The following DYRK1A variants were observed in gnomAD, a reference collection of about 807,000 sequenced individuals.
DYRK1A encodes the protein dual specificity tyrosine phosphorylation regulated kinase 1A.
DYRK1A carries 9 observed loss-of-function variants against 79.7 expected under a neutral mutation model. That is an observed-to-expected ratio of 0.11 (90% CI 0.07 to 0.20). The LOEUF (loss-of-function observed/expected upper bound fraction) is 0.20, where lower values mean the gene tolerates loss of function less well. Among genes scored for constraint, DYRK1A ranks in the 10% least tolerant of loss-of-function variants. DYRK1A has a pLI of 1.00. For missense variants in DYRK1A, 622 were observed against 956.0 expected, an observed-to-expected ratio of 0.65 and a Z score of 4.61; for synonymous variants, 349 against 329.7, an observed-to-expected ratio of 1.06 and a Z score of -0.63.
At chr21:37,423,774 A>G (rs2050541361) in intron 2 of DYRK1A, among the ~76,000 whole-genome samples, 2 of 152,200 alleles carry the variant, frequency 1.3e-5, no homozygotes, top group Non-Finnish European at 1.5e-5. Context: ...ATACAGAGCT[A>G]TCACTTTTTG....
At chr21:37,441,899 T>G (rs976282058) in intron 2 of DYRK1A, among the ~76,000 whole-genome samples, 24 of 152,004 alleles carry the variant, frequency 1.6e-4, no homozygotes, top group African/African-American at 5.5e-4. Context: ...TTTTTTGTAG[T>G]GCGTATTTAC....
At chr21:37,502,204 T>C (rs932205484) in intron 9 of DYRK1A, 1 of 152,224 alleles carries the variant, frequency 6.6e-6, no homozygotes, top group African/African-American at 2.4e-5. Flanking sequence ...ATTTTTGTGT[T>C]GTGTGCAACA....
At chr21:37,413,641 G>T (rs1005791765) in intron 1 of DYRK1A, among the ~76,000 whole-genome samples, 2 of 152,142 alleles carry the variant, frequency 1.3e-5, no homozygotes, top group Non-Finnish European at 2.9e-5. Context: ...AGATGTTCAG[G>T]TTAGTGAGGG....
chr21:37,430,252 C>T, intron 2 of DYRK1A: 1 of 946,934 alleles, frequency 1.1e-6, no homozygotes, highest in Non-Finnish European at 1.3e-6. Context: ...TAATTGAATC[C>T]TTTATTTTTG....
intron 1 of DYRK1A, among the ~76,000 whole-genome samples, chr21:37,379,253 C>T (rs1417604738): frequency 6.6e-6 from 1 of 151,956 alleles, no homozygotes; most frequent in Non-Finnish European, 1.5e-5. Context: ...AAGGCAGGAC[C>T]ATTCTAGATG....
intron 9 of DYRK1A, among the ~76,000 whole-genome samples, chr21:37,496,567 T>C (rs1296247665): frequency 6.6e-6 from 1 of 152,248 alleles, no homozygotes; most frequent in Admixed American, 6.5e-5. Flanking sequence ...ATTTGATCTT[T>C]GTTTCTCACA....
chr21:37,439,789 GT>G (rs1207319353), intron 2 of DYRK1A, among the ~76,000 whole-genome samples: 1 of 152,150 alleles, frequency 6.6e-6, no homozygotes, highest in Non-Finnish European at 1.5e-5. Context: ...GTTAATGAAA[GT>G]TTGTTTTAGG....
chr21:37,486,277 G>A lies in DYRK1A; in HGVS notation c.490-190G>A, dbSNP rs2052862344. The A allele has an allele frequency of 1.6e-5, 6 of 377,154 alleles. No homozygotes were observed. The South Asian group carries it at 8.5e-4, about 53-fold the overall frequency. 23.4% of individuals were successfully genotyped at this position (377,154 alleles called of 1,614,324 possible). On this transcript the variant is annotated intron_variant, in intron 5 of 11. Transcript: ENST00000647188. ...ATTCAATTTAAAAGATTGATTTAAA[G>A]TTACTGTGTAATAAGTGGATATATA...
At chr21:37,399,043 C>T (rs2050008915) in intron 1 of DYRK1A, among the ~76,000 whole-genome samples, 1 of 151,988 alleles carries the variant, frequency 6.6e-6, no homozygotes. Context: ...AAGGATGTGT[C>T]CCATTCCCTG....
rs1601349897 is a variant in DYRK1A at position 37,521,540 on chromosome 21, A to T, written c.*9009A>T. The stretch of plus-strand genomic sequence containing the variant: ...AAAAAGCATGTCACATTTTGTTGTT[A>T]TAAGTGGGAAAGATAAGTAATTACA... On this transcript the variant is annotated 3_prime_UTR_variant, in exon 12 of 12. Coordinates refer to ENST00000647188, the MANE Select transcript of DYRK1A (RefSeq NM_001347721.2). 6.6e-6 allele frequency: 1 copy of T among 152,276 alleles called. No individual in the cohort carries two copies. The highest frequency in any genetic ancestry group is 2.1e-4 in the South Asian group (1 of 4,834). The allele number at this position is 152,276 out of a possible 1,614,324, so 9.4% of individuals were successfully genotyped here.
At chr21:37,396,888 A>G (rs2049967953) in intron 1 of DYRK1A, among the ~76,000 whole-genome samples, 1 of 152,146 alleles carries the variant, frequency 6.6e-6, no homozygotes, top group South Asian at 2.1e-4. Flanking sequence ...TGATGGCTCT[A>G]AGAGCATGGA....
chr21:37,400,463 A>G (rs960084040), intron 1 of DYRK1A, among the ~76,000 whole-genome samples: 1 of 152,344 alleles, frequency 6.6e-6, no homozygotes, highest in African/African-American at 2.4e-5. Flanking sequence ...AGCAACTTGT[A>G]GATATATCAT....
At chr21:37,493,284 G>A in intron 8 of DYRK1A, 121 bp downstream of exon 8, 1 of 982,724 alleles carries the variant, frequency 1.0e-6, no homozygotes, top group Non-Finnish European at 1.5e-6. Context: ...TCAAATGTGA[G>A]GTCAGTTTGA....
intron 1 of DYRK1A, among the ~76,000 whole-genome samples, chr21:37,397,183 C>T (rs2049972889): frequency 6.6e-6 from 1 of 152,192 alleles, no homozygotes; most frequent in Non-Finnish European, 1.5e-5. Flanking sequence ...GGAGGTATAA[C>T]CTAGTTGGGC....
At chr21:37,422,162 G>T (rs1479399002) in intron 2 of DYRK1A, among the ~76,000 whole-genome samples, 1 of 152,022 alleles carries the variant, frequency 6.6e-6, no homozygotes, top group Non-Finnish European at 1.5e-5. Context: ...ATTCAGCCTT[G>T]TATTCTTTAA....
intron 6 of DYRK1A, chr21:37,487,706 A>G (rs186457127): frequency 2.6e-5 from 4 of 152,312 alleles, no homozygotes; most frequent in Admixed American, 2.0e-4. Flanking sequence ...AAAAGGGGCA[A>G]GCTTCAGATT....
chr21:37,378,267 T>TCACAC (rs1291148486), intron 1 of DYRK1A, among the ~76,000 whole-genome samples: 1 of 152,240 alleles, frequency 6.6e-6, no homozygotes, highest in Non-Finnish European at 1.5e-5. Context: ...GCATGGTTTC[T>TCACAC]CACACCTGTA....
intron 2 of DYRK1A, among the ~76,000 whole-genome samples, chr21:37,449,639 A>T (rs1198003877): frequency 6.6e-6 from 1 of 152,218 alleles, no homozygotes; most frequent in Non-Finnish European, 1.5e-5. Flanking sequence ...ATCAATTAGC[A>T]GTCTCTTTCG....
intron 1 of DYRK1A, among the ~76,000 whole-genome samples, chr21:37,391,121 T>C (rs1274122705): frequency 1.3e-5 from 2 of 152,248 alleles, no homozygotes; most frequent in African/African-American, 2.4e-5. Context: ...TTCAGAACTC[T>C]TCCTAGTGCC....
Sources: gnomAD v4.1 joint callset for allele counts (sites outside exome capture counted in the v4.1 genomes callset) on GRCh38, gnomAD v4.1.1 for gene constraint, MANE v1.5 for transcripts, NCBI Gene and HGNC (gene_info 2026-07-23, HGNC 2026-07-21) for gene names.